Variants in MCF2 observed in about 807,000 individuals in gnomAD.
MCF2 encodes the protein MCF.2 cell line derived transforming sequence.
MCF2 carries 44 observed loss-of-function variants against 82.5 expected under a neutral mutation model. The ratio of observed to expected loss-of-function variants is 0.53; its 90% CI spans 0.42 to 0.69. MCF2 has a LOEUF of 0.69. Among genes scored for constraint, MCF2 ranks in the 30% least tolerant of loss-of-function variants. MCF2 has a pLI of 0.00. For missense variants in MCF2, 623 were observed against 663.1 expected (o/e 0.94, Z 0.66); for synonymous variants, 217 against 224.9 (o/e 0.96, Z 0.32).
At chrX:139,645,843 A>G (rs1342990345), upstream of MCF2, among the ~76,000 whole-genome samples, 1 of 111,706 alleles carries the variant, frequency 9.0e-6, no homozygotes, top group Admixed American at 9.5e-5. Flanking sequence ...TCCCTTACTC[A>G]CTATTTAAAA....
exon 7 of MCF2, chrX:139,619,621 A>C (rs1206569513): frequency 8.6e-7 from 1 of 1,165,662 alleles, no homozygotes; most frequent in Non-Finnish European, 1.2e-6. Context: ...CAATTTTTTT[A>C]TTTTTTGTTT....
At chrX:139,651,112 G>A (rs1197439718) in intron 2 of MCF2, among the ~76,000 whole-genome samples, 2 of 108,148 alleles carry the variant, frequency 1.8e-5, no homozygotes, top group Non-Finnish European at 3.8e-5. Flanking sequence ...GATGGTGGTG[G>A]CAATGGTGGC....
intron 1 of MCF2, among the ~76,000 whole-genome samples, chrX:139,682,975 G>A (rs1317801074): frequency 1.8e-5 from 2 of 111,400 alleles, no homozygotes; most frequent in Non-Finnish European, 3.8e-5. Flanking sequence ...TGTCACCCAC[G>A]CTGGAGTGCA....
At chrX:139,647,378 T>C (rs1465566786), upstream of MCF2, among the ~76,000 whole-genome samples, 1 of 111,908 alleles carries the variant, frequency 8.9e-6, no homozygotes, top group Non-Finnish European at 1.9e-5. Flanking sequence ...AATGTGTTTA[T>C]GGAAGAAACA....
At chrX:139,658,097 T>C (rs1329508269) in intron 1 of MCF2, among the ~76,000 whole-genome samples, 5 of 111,621 alleles carry the variant, frequency 4.5e-5, no homozygotes, top group Non-Finnish European at 7.5e-5. Context: ...AAAATCTATA[T>C]ACTCATGAAT....
chrX:139,672,023 A>C (rs142689022), intron 1 of MCF2, among the ~76,000 whole-genome samples: 32,702 of 110,158 alleles, frequency 0.3, 4,671 homozygotes, highest in African/African-American at 0.56. Flanking sequence ...TTGAAGAGGG[A>C]CTTCACATCC....
rs1352055807 is a variant in MCF2, at chrX:139,594,691, A to G, written c.2277+1858T>C. Among the ~76,000 whole-genome samples the G allele has an allele frequency of 2.7e-3, 299 of 109,904 alleles. 4 individuals are homozygous for G. The highest frequency in any genetic ancestry group is 9.2e-3 in the African/African-American group (277 of 30,163). On this transcript the variant is annotated intron_variant, in intron 19 of 24. Coordinates refer to ENST00000370576, the Ensembl canonical transcript of MCF2. ...GCAAGGACTTCATGTCTAAAACACC[A>G]AAAGCAATGGCAACAAAAGCCAAAA...
chrX:139,587,892 C>T (rs939404775), intron 21 of MCF2, 104 bp from the exon 26 acceptor site: 40 of 476,547 alleles, frequency 8.4e-5, no homozygotes, highest in Non-Finnish European at 1.0e-4. Flanking sequence ...CACACACACA[C>T]GCATCCTTGC....
chrX:139,703,638 G>A (rs1002315194), intron 1 of MCF2, among the ~76,000 whole-genome samples: 1 of 111,438 alleles, frequency 9.0e-6, no homozygotes, highest in African/African-American at 3.3e-5. Context: ...GGGAGGCTGA[G>A]GCAGGAGAAT....
At position 139,596,700 on chromosome X, in the gene MCF2, C is replaced by A. The variant is rs142205898; in HGVS notation, c.2126G>T (p.Gly709Val). The change falls in exon 19 of 25, where the codon GGT becomes GTT. Residue 709 changes from glycine (G) to valine (V), a missense_variant. Gly to Val is a moderately radical substitution (Grantham distance 109). Transcript: ENST00000370576. ...AGCCAAATCCTTCATTTTTGTAGCA[C>A]CTTTCTTGTGCCCTATCCAAACGCT... 2.6e-4 allele frequency: 319 copies of A among 1,208,043 alleles called. 1 individual carries two copies. In the African/African-American group the frequency reaches 4.9e-3, roughly 19 times the overall value.
intron 1 of MCF2, among the ~76,000 whole-genome samples, chrX:139,660,118 C>G (rs751418263): frequency 1.8e-5 from 2 of 111,808 alleles, no homozygotes; most frequent in Non-Finnish European, 3.8e-5. Context: ...AGGCACTGTT[C>G]AGATGCAAAG....
intron 19 of MCF2, among the ~76,000 whole-genome samples, chrX:139,595,377 C>T (rs1603276665): frequency 9.1e-6 from 1 of 109,566 alleles, no homozygotes; most frequent in East Asian, 2.9e-4. Flanking sequence ...CACATATACA[C>T]CATGGAATAC....
intron 1 of MCF2, among the ~76,000 whole-genome samples, chrX:139,680,038 A>G (rs147449343): frequency 0.022 from 2,483 of 112,173 alleles, 32 homozygotes; most frequent in Non-Finnish European, 0.035. Flanking sequence ...ATGTGCATTC[A>G]TATAGTGTGC....
intron 1 of MCF2, among the ~76,000 whole-genome samples, chrX:139,695,700 CT>C (rs1283884791): frequency 8.9e-6 from 1 of 112,044 alleles, no homozygotes; most frequent in Non-Finnish European, 1.9e-5. Flanking sequence ...CAAACACCTT[CT>C]TTCATGCCCG....
At chrX:139,606,396 C>T (rs1266028849) in intron 12 of MCF2, among the ~76,000 whole-genome samples, 2 of 110,708 alleles carry the variant, frequency 1.8e-5, no homozygotes, top group Non-Finnish European at 1.9e-5. Flanking sequence ...CTCACTCTGT[C>T]ACCCAGGCTT....
chrX:139,597,502 T>C (rs758284108), exon 18 of MCF2: 2 of 1,197,686 alleles, frequency 1.7e-6, no homozygotes, highest in Non-Finnish European at 2.3e-6. Flanking sequence ...AATCATTAAC[T>C]GACTTCAGTA....
At chrX:139,656,798 A>C (rs1338780839) in intron 1 of MCF2, among the ~76,000 whole-genome samples, 1 of 112,349 alleles carries the variant, frequency 8.9e-6, no homozygotes, top group Non-Finnish European at 1.9e-5. Context: ...AGAACAAATA[A>C]TTTATACTGT....
At chrX:139,645,523 A>G, upstream of MCF2, 1 of 837,221 alleles carries the variant, frequency 1.2e-6, no homozygotes, top group Non-Finnish European at 1.7e-6. Flanking sequence ...AAAGTATAAT[A>G]TAAAACAAAA....
At chrX:139,687,888 T>C (rs1371875800) in intron 1 of MCF2, among the ~76,000 whole-genome samples, 12 of 111,871 alleles carry the variant, frequency 1.1e-4, no homozygotes, top group Non-Finnish European at 2.3e-4. Flanking sequence ...CTAAAGCTCA[T>C]ATACATTAGT....
Sources: gnomAD v4.1 joint callset for allele counts (sites outside exome capture counted in the v4.1 genomes callset) on GRCh38, gnomAD v4.1.1 for gene constraint, MANE v1.5 for transcripts, NCBI Gene and HGNC (gene_info 2026-07-23, HGNC 2026-07-21) for gene names.